The following HELZ variants were observed in gnomAD, a reference collection of about 807,000 sequenced individuals.
HELZ encodes helicase with zinc finger.
HELZ carries 23 observed loss-of-function variants against 218.2 expected under a neutral mutation model. That is an observed-to-expected ratio of 0.11 (90% confidence interval 0.08 to 0.15). The LOEUF (loss-of-function observed/expected upper bound fraction) is 0.15. HELZ is among the 10% of genes least tolerant of loss of function. HELZ has a pLI of 1.00. For missense variants in HELZ, 1,813 were observed against 2,353.7 expected, an observed-to-expected ratio of 0.77 and a Z score of 4.75; for synonymous variants, 814 against 829.4, an observed-to-expected ratio of 0.98 and a Z score of 0.32.
chr17:67,148,825 C>T, intron 19 of HELZ, 111 bp from the exon 20 acceptor site: 1 of 933,934 alleles, frequency 1.1e-6, no homozygotes. Context: ...AAAACTTCAA[C>T]ATGCTAAATG....
intron 13 of HELZ, among the ~76,000 whole-genome samples, chr17:67,175,676 G>GA (rs2144206042): frequency 6.6e-6 from 1 of 152,282 alleles, no homozygotes; most frequent in South Asian, 2.1e-4. Context: ...GCCAAATTCA[G>GA]AAATTTAATT....
chr17:67,151,272 C>G, intron 17 of HELZ, 48 bp from the exon 18 acceptor site: 3 of 1,432,872 alleles, frequency 2.1e-6, no homozygotes, highest in Non-Finnish European at 2.9e-6. Context: ...AATTTCTTAA[C>G]AGTATCTAGT....
intron 9 of HELZ, 127 bp from the exon 10 acceptor site, chr17:67,190,482 C>T (rs2039863411): frequency 4.4e-6 from 3 of 685,362 alleles, no homozygotes; most frequent in African/African-American, 3.6e-5. Context: ...CCATATTTAT[C>T]GTACTGTCTT....
chr17:67,212,314 C>CAAAAAAAAAAAAAAAAAAAAAAAAAA (rs10692832), intron 5 of HELZ, among the ~76,000 whole-genome samples: 2 of 21,406 alleles, frequency 9.3e-5, no homozygotes, highest in African/African-American at 3.2e-4. Context: ...GACACCATCT[C>CAAAAAAAAAAAAAAAAAAAAAAAAAA]AAAAAAAAAA....
chr17:67,244,618 G>C lies in HELZ; in HGVS notation c.-132+530C>G, dbSNP rs374887808. 2.2e-5 allele frequency: 21 copies of C among 935,158 alleles called. 1 individual carries two copies. In the East Asian group the frequency reaches 8.2e-4, roughly 36 times the overall value. 57.9% of individuals were successfully genotyped at this position (935,158 alleles called of 1,614,324 possible). A position where few individuals can be genotyped will look rare whatever the true frequency, so the allele number is the denominator to read the frequency against. On this transcript the variant is annotated intron_variant, in intron 1 of 32. Transcript: ENST00000358691. ...GGGAAGAAAGTGAATCTCGGGCCGA[G>C]AGCCCTCCGCGGGGGAGGGAGGGGG...
intron 2 of HELZ, chr17:67,239,728 T>C (rs1451172255): frequency 6.6e-6 from 1 of 152,234 alleles, no homozygotes; most frequent in African/African-American, 2.4e-5. Flanking sequence ...GAGCAACTCA[T>C]TTAATTTCTT....
intron 7 of HELZ, chr17:67,200,886 T>C (rs2040150719): frequency 2.2e-6 from 1 of 453,670 alleles, no homozygotes; most frequent in Non-Finnish European, 4.0e-6. Context: ...AAGATACCAG[T>C]TCTGTCCACT....
intron 22 of HELZ, 119 bp from the exon 23 acceptor site, chr17:67,136,317 G>T (rs2038148534): frequency 1.4e-6 from 1 of 696,774 alleles, no homozygotes; most frequent in Non-Finnish European, 2.4e-6. Flanking sequence ...CGAAGATGTG[G>T]AGAAACTGAA....
At chr17:67,177,595 G>C (rs905671843) in intron 13 of HELZ, among the ~76,000 whole-genome samples, 11 of 150,988 alleles carry the variant, frequency 7.3e-5, no homozygotes, top group African/African-American at 2.7e-4. Flanking sequence ...AAATAATATA[G>C]ATGATATAAC....
chr17:67,193,533 T>C (rs1049276171), intron 9 of HELZ, among the ~76,000 whole-genome samples: 4 of 151,778 alleles, frequency 2.6e-5, no homozygotes, highest in Admixed American at 6.6e-5. Context: ...CTGGCCAACA[T>C]AGTGAAACCC....
At chr17:67,120,325 C>T in intron 27 of HELZ, 80 bp downstream of exon 27, 1 of 1,140,708 alleles carries the variant, frequency 8.8e-7, no homozygotes. Context: ...AACAATCATA[C>T]TGTTAAAGGA....
At chr17:67,098,045 T>C (rs936878006) in intron 31 of HELZ, among the ~76,000 whole-genome samples, 3 of 152,172 alleles carry the variant, frequency 2.0e-5, no homozygotes, top group African/African-American at 7.2e-5. Flanking sequence ...ACTAGCTCCC[T>C]TTCTCCCCAC....
intron 5 of HELZ, among the ~76,000 whole-genome samples, chr17:67,215,191 A>G (rs1291768396): frequency 1.3e-5 from 2 of 152,238 alleles, no homozygotes; most frequent in African/African-American, 2.4e-5. Context: ...AGAGCATTCT[A>G]GCTAGTCTCC....
Position 67,137,926 on chromosome 17 carries a change from C to A in HELZ, c.2953+5G>T. The A allele has an allele frequency of 6.3e-7, 1 of 1,594,390 alleles. No homozygotes were observed. Among genetic ancestry groups the A allele is most frequent in the Non-Finnish European group, 8.6e-7 (1 of 1,167,236 alleles). On this transcript the variant is annotated splice_donor_5th_base_variant and intron_variant, in intron 22 of 32. Transcript: ENST00000358691. ...ATGACTGAATTCATTTCAATTGACA[C>A]TTACCTTGAACATTTAGCACCCTTT...
At chr17:67,143,257 C>A (rs187676531) in intron 21 of HELZ, among the ~76,000 whole-genome samples, 108 of 152,220 alleles carry the variant, frequency 7.1e-4, no homozygotes, top group African/African-American at 2.5e-3. Context: ...TCAGATCACA[C>A]CATCTTACGG....
In HELZ at chr17:67,078,346, T is replaced by C; in HGVS notation, c.5735A>G (p.Gln1912Arg). ...CAGAGGGTCGCTACTCTTCTTGGCC[T>C]GCTCAGGAGGGGGCCTGGGCTTTGG... ...APPKPRPPPEQAKKSSDPLSL... is the reference protein window; with the variant it reads ...APPKPRPPPERAKKSSDPLSL... Residue 1912 changes from glutamine to arginine, a missense_variant, in exon 33 of 33, where the codon CAG becomes CGG. By Grantham distance (43) the Gln-to-Arg change is conservative. Around this residue, in one of 4 missense-constraint regions of HELZ, gnomAD observed 938 missense variants for 1,027.5 expected, o/e 0.91. Coordinates refer to ENST00000358691, the MANE Select transcript of HELZ (RefSeq NM_014877.4). 2 of 1,613,808 alleles carry C rather than the reference T, an allele frequency of 1.2e-6. No homozygotes were observed. The highest frequency in any genetic ancestry group is 1.7e-6 in the Non-Finnish European group (2 of 1,179,870).
At chr17:67,172,382 A>G (rs2039338625) in intron 13 of HELZ, among the ~76,000 whole-genome samples, 1 of 152,184 alleles carries the variant, frequency 6.6e-6, no homozygotes, top group Admixed American at 6.5e-5. Flanking sequence ...ACAAGGAAAC[A>G]TATTTTGCTT....
chr17:67,216,582 C>T (rs1252294835), intron 4 of HELZ, among the ~76,000 whole-genome samples: 1 of 151,860 alleles, frequency 6.6e-6, no homozygotes, highest in Non-Finnish European at 1.5e-5. Flanking sequence ...CTCTTCATGG[C>T]AAAACTCCTC....
chr17:67,215,401 T>A (rs1478051973), intron 5 of HELZ, among the ~76,000 whole-genome samples: 1 of 149,746 alleles, frequency 6.7e-6, no homozygotes, highest in Non-Finnish European at 1.5e-5. Flanking sequence ...CAAGCTGGAG[T>A]GCAGTGCTGT....
Sources: gnomAD v4.1 joint callset for allele counts (sites outside exome capture counted in the v4.1 genomes callset) on GRCh38, gnomAD v4.1.1 for gene constraint, gnomAD v4.1.1 regional missense constraint, MANE v1.5 for transcripts, NCBI Gene and HGNC (gene_info 2026-07-23, HGNC 2026-07-21) for gene names.